LRRC4C: variants seen among roughly 807,000 people sequenced by gnomAD.
LRRC4C encodes leucine rich repeat containing 4C, also known as leucine-rich repeat-containing protein 4C.
LRRC4C carries 5 observed loss-of-function variants against 33.6 expected under a neutral mutation model. The observed-to-expected ratio is 0.15, with a 90% CI of 0.08 to 0.31. LRRC4C has a LOEUF of 0.31. LRRC4C is among the 10% of genes least tolerant of loss of function. The pLI, the probability that LRRC4C is intolerant of heterozygous loss-of-function variation, is 1.00. For missense variants in LRRC4C, 560 were observed against 796.7 expected, an observed-to-expected ratio of 0.70 and a Z score of 3.58; for synonymous variants, 329 against 302.0, an observed-to-expected ratio of 1.09 and a Z score of -0.93.
intron 2 of LRRC4C, among the ~76,000 whole-genome samples, chr11:40,793,759 G>T (rs1233029412): frequency 6.6e-6 from 1 of 152,040 alleles, no homozygotes. Context: ...TATAGCATTG[G>T]ATATATTTTA....
chr11:41,258,796 G>T (rs1948883946), intron 1 of LRRC4C, among the ~76,000 whole-genome samples: 1 of 151,982 alleles, frequency 6.6e-6, no homozygotes, highest in Admixed American at 6.6e-5. Flanking sequence ...AATATGTTAT[G>T]CCTTCAACTT....
At chr11:40,833,292 A>G (rs886202904) in intron 2 of LRRC4C, among the ~76,000 whole-genome samples, 1 of 152,164 alleles carries the variant, frequency 6.6e-6, no homozygotes, top group Admixed American at 6.6e-5. Context: ...GGAAAGATAA[A>G]TTCAAAACCC....
intron 1 of LRRC4C, among the ~76,000 whole-genome samples, chr11:41,360,353 TCTATC>T (rs1302990242): frequency 6.6e-6 from 1 of 152,010 alleles, no homozygotes; most frequent in Non-Finnish European, 1.5e-5. Context: ...CTATGATTTA[TCTATC>T]CATAGCCCAA....
At chr11:40,240,930 T>C (rs768999313) in intron 5 of LRRC4C, among the ~76,000 whole-genome samples, 5 of 152,210 alleles carry the variant, frequency 3.3e-5, no homozygotes, top group Non-Finnish European at 7.3e-5. Flanking sequence ...TTTAGCCTAA[T>C]TCTAGGCCAC....
chr11:40,339,961 G>C (rs1035428934), intron 3 of LRRC4C, among the ~76,000 whole-genome samples: 1 of 152,104 alleles, frequency 6.6e-6, no homozygotes, highest in Non-Finnish European at 1.5e-5. Flanking sequence ...GGTTCCAAGA[G>C]AGTAAAAATC....
chr11:41,268,261 A>G (rs1001999934), intron 1 of LRRC4C, among the ~76,000 whole-genome samples: 3 of 152,108 alleles, frequency 2.0e-5, no homozygotes, highest in African/African-American at 4.8e-5. Flanking sequence ...GGATGGGATC[A>G]CTGCTTAGAA....
chr11:40,522,961 T>A (rs1955881842), intron 3 of LRRC4C, among the ~76,000 whole-genome samples: 1 of 152,192 alleles, frequency 6.6e-6, no homozygotes, highest in African/African-American at 2.4e-5. Context: ...TATGGAACGT[T>A]TAGGTTAATT....
intron 1 of LRRC4C, among the ~76,000 whole-genome samples, chr11:41,163,965 G>C (rs1944601249): frequency 6.6e-6 from 1 of 152,040 alleles, no homozygotes; most frequent in Non-Finnish European, 1.5e-5. Flanking sequence ...ATATATAATA[G>C]TTGTACATAT....
At chr11:41,416,501 T>C (rs1395880673) in intron 1 of LRRC4C, among the ~76,000 whole-genome samples, 3 of 152,064 alleles carry the variant, frequency 2.0e-5, no homozygotes, top group African/African-American at 7.2e-5. Context: ...TCTGTATTGA[T>C]GTAGCATTAA....
intron 3 of LRRC4C, among the ~76,000 whole-genome samples, chr11:40,362,390 A>G: frequency 6.6e-6 from 1 of 152,116 alleles, no homozygotes; most frequent in Non-Finnish European, 1.5e-5. Context: ...TATCCAGGAT[A>G]TATGAGAAAT....
intron 3 of LRRC4C, among the ~76,000 whole-genome samples, chr11:40,456,011 T>C (rs1419781071): frequency 1.3e-5 from 2 of 152,148 alleles, no homozygotes; most frequent in African/African-American, 4.8e-5. Context: ...AATACCTAAC[T>C]AGAAACTCTT....
intron 1 of LRRC4C, among the ~76,000 whole-genome samples, chr11:40,957,400 C>T (rs1959004442): frequency 6.6e-6 from 1 of 151,678 alleles, no homozygotes; most frequent in Non-Finnish European, 1.5e-5. Context: ...AATCAGGACA[C>T]TTTAAGCCAT....
At chr11:40,317,895 C>T (rs1945655979) in intron 4 of LRRC4C, among the ~76,000 whole-genome samples, 1 of 152,086 alleles carries the variant, frequency 6.6e-6, no homozygotes, top group African/African-American at 2.4e-5. Context: ...GCAGCAGCAA[C>T]CTGGTAGCAA....
intron 3 of LRRC4C, among the ~76,000 whole-genome samples, chr11:40,401,099 G>A (rs1318222448): frequency 6.6e-6 from 1 of 152,014 alleles, no homozygotes; most frequent in Non-Finnish European, 1.5e-5. Context: ...AGTCTGTACT[G>A]TCTTTTTAAA....
chr11:40,153,084 T>C (rs1426710021), intron 5 of LRRC4C, among the ~76,000 whole-genome samples: 2 of 152,172 alleles, frequency 1.3e-5, no homozygotes, highest in Admixed American at 6.5e-5. Context: ...TATTCATGAC[T>C]GAGAGACCCA....
At chr11:41,316,652 G>A (rs913991235) in intron 1 of LRRC4C, among the ~76,000 whole-genome samples, 1 of 152,072 alleles carries the variant, frequency 6.6e-6, no homozygotes, top group Non-Finnish European at 1.5e-5. Context: ...TTATCCCCTT[G>A]CTTTCTTATC....
At chr11:40,984,366 A>AT (rs1852793912) in intron 1 of LRRC4C, among the ~76,000 whole-genome samples, 1 of 39,174 alleles carries the variant, frequency 2.6e-5, no homozygotes, top group Non-Finnish European at 7.5e-5. Flanking sequence ...GAAAGAAAAA[A>AT]GAAAGAAAGA....
chr11:40,331,895 A>T (rs568803140), intron 3 of LRRC4C, among the ~76,000 whole-genome samples: 1 of 152,138 alleles, frequency 6.6e-6, no homozygotes, highest in African/African-American at 2.4e-5. Context: ...ACATAAGCCA[A>T]TTCTCATAAT....
intron 1 of LRRC4C, among the ~76,000 whole-genome samples, chr11:41,019,250 T>A (rs765053219): frequency 6.3e-4 from 96 of 152,178 alleles, no homozygotes; most frequent in Non-Finnish European, 1.2e-3. Flanking sequence ...AACTCTCACT[T>A]ATGAGTGAGA....
Sources: gnomAD v4.1 joint callset for allele counts (sites outside exome capture counted in the v4.1 genomes callset) on GRCh38, gnomAD v4.1.1 for gene constraint, MANE v1.5 for transcripts, NCBI Gene and HGNC (gene_info 2026-07-23, HGNC 2026-07-21) for gene names.